Variants in C9orf43 observed in about 807,000 individuals in gnomAD.
The protein encoded by C9orf43 is chromosome 9 open reading frame 43, also known as uncharacterized protein C9orf43.
Under a neutral mutation model 59.1 loss-of-function variants are expected in C9orf43, and 45 were observed. That is an observed-to-expected ratio of 0.76 (90% CI 0.60 to 0.98). The LOEUF is 0.98. Ranked by LOEUF, C9orf43 falls within the 50% of genes least tolerant of loss-of-function variation. The probability of loss-of-function intolerance (pLI) is 0.00; values close to 1 mark genes in which losing one functional copy is unlikely to be tolerated. For synonymous variants in C9orf43, 203 were observed against 196.8 expected (o/e 1.03, Z -0.26); for missense variants, 533 against 554.9 (o/e 0.96, Z 0.40).
intron 3 of C9orf43, 94 bp downstream of exon 3, chr9:113,413,988 AT>A: frequency 7.3e-7 from 1 of 1,371,608 alleles, no homozygotes; most frequent in Non-Finnish European, 9.9e-7. Flanking sequence ...AGAAAGCTAG[AT>A]TAAAAAGAAA....
intron 11 of C9orf43, among the ~76,000 whole-genome samples, 168 bp downstream of exon 11, chr9:113,425,898 C>A (rs1199742266): frequency 1.3e-5 from 2 of 152,136 alleles, no homozygotes; most frequent in Non-Finnish European, 2.9e-5. Context: ...ACCATCCTTC[C>A]CTCATAAATT....
In C9orf43 at chr9:113,419,256, G is replaced by A. The variant is rs538921508; in HGVS notation, c.345+91G>A. Reference sequence around the variant, plus strand: ...TGCCTTTATTTGAAATTATTCCTCAGGAGGACTAAAATCTGAATAGTAATG... The same window carrying A: ...TGCCTTTATTTGAAATTATTCCTCAAGAGGACTAAAATCTGAATAGTAATG... On this transcript the variant is annotated intron_variant, in intron 4 of 13. Coordinates refer to ENST00000374165, the MANE Select transcript of C9orf43 (RefSeq NM_001278629.2). 4 of 1,000,228 alleles carry A rather than the reference G, an allele frequency of 4.0e-6. No individual in the cohort carries two copies. The Admixed American group carries it at 8.8e-5, about 22-fold the overall frequency. 62.0% of individuals were successfully genotyped at this position (1,000,228 alleles called of 1,614,324 possible).
At position 113,424,307 on chromosome 9, in the gene C9orf43, C is replaced by T. The variant is rs1313961334; in HGVS notation, c.798C>T (p.Leu266=). ...AGATGTTTCTATCTATACACCGCCT[C>T]ACCCTGGAAGTAAGAGCTAGGAAAC... ...SSKMFLSIHR[L]TLERPALRYP... The change falls in exon 8 of 14, where the codon CTC becomes CTT. Residue 266 remains leucine, a synonymous_variant. Transcript: ENST00000374165. The T allele has an allele frequency of 1.9e-6, 3 of 1,608,878 alleles. No individual in the cohort carries two copies. The highest frequency in any genetic ancestry group is 2.5e-6 in the Non-Finnish European group (3 of 1,178,340).
intron 11 of C9orf43, among the ~76,000 whole-genome samples, chr9:113,427,252 C>T (rs1423940024): frequency 6.6e-6 from 1 of 150,972 alleles, no homozygotes; most frequent in South Asian, 2.1e-4. Context: ...TCACCACAAC[C>T]TCTGCCTTCT....
rs541457245 is a variant in C9orf43 at position 113,416,157 on chromosome 9, G to A, written c.287+2263G>A. On this transcript the variant is annotated intron_variant, in intron 3 of 13. Transcript: ENST00000374165. Reference sequence around the variant, plus strand: ...AGACCAGTCCTTCATGACATGGTGGGTTTTTGCAGTGGCTTCTGAACTGGT... The same window carrying A: ...AGACCAGTCCTTCATGACATGGTGGATTTTTGCAGTGGCTTCTGAACTGGT... Among the ~76,000 whole-genome samples, 7 of 152,330 alleles carry A rather than the reference G, an allele frequency of 4.6e-5. No homozygotes were observed. The East Asian group carries it at 1.3e-3, about 29-fold the overall frequency.
chr9:113,422,611 C>T (rs374268317), intron 6 of C9orf43, 26 bp downstream of exon 6: 3 of 1,613,044 alleles, frequency 1.9e-6, no homozygotes, highest in African/African-American at 1.3e-5. Context: ...TTGTGCAAAC[C>T]TTTATAATAT....
chr9:113,422,428 C>A, intron 5 of C9orf43, 121 bp from the exon 6 acceptor site: 1 of 1,359,804 alleles, frequency 7.4e-7, no homozygotes, highest in Non-Finnish European at 1.0e-6. Context: ...TCTTTGTGGT[C>A]ATCATTCACA....
Position 113,429,444 on chromosome 9 carries a change from G to A in C9orf43, c.*58G>A. ...CCTGGGGCAGCCGTGTTCCAAAGCG[G>A]GATGGCTGGTATCCTGAGGGCAGCA... is the stretch of plus-strand genomic sequence containing the variant. On this transcript the variant is annotated 3_prime_UTR_variant, in exon 14 of 14. Coordinates refer to ENST00000374165, the MANE Select transcript of C9orf43 (RefSeq NM_001278629.2). The A allele has an allele frequency of 6.7e-7, 1 of 1,494,700 alleles. No individual in the cohort carries two copies. The highest frequency in any genetic ancestry group is 9.3e-7 in the Non-Finnish European group (1 of 1,080,460). The allele number at this position is 1,494,700 out of a possible 1,614,324, so 92.6% of individuals were successfully genotyped here.
chr9:113,419,453 A>G (rs181214013), intron 4 of C9orf43, among the ~76,000 whole-genome samples: 1 of 152,324 alleles, frequency 6.6e-6, no homozygotes, highest in East Asian at 1.9e-4. Context: ...GCTACTCAGT[A>G]AATACTGTCG....
intron 3 of C9orf43, 102 bp from the exon 4 acceptor site, chr9:113,419,006 A>G (rs1828475647): frequency 2.1e-6 from 2 of 948,338 alleles, no homozygotes; most frequent in Non-Finnish European, 3.2e-6. Context: ...ATTAAGCCCA[A>G]GGTTTTCTGT....
rs560574177 is a variant in C9orf43, at chr9:113,421,090, A to G, written c.346-13A>G. 6 of 1,604,578 alleles carry G rather than the reference A, an allele frequency of 3.7e-6. No homozygotes were observed. The East Asian group carries it at 6.7e-5, about 18-fold the overall frequency. Reference sequence around the variant, plus strand: ...ACCTCAAGCCATACATAGGCTTTATATCTTTCTCTTAGTTTCCAGTGTTGA... The same window carrying G: ...ACCTCAAGCCATACATAGGCTTTATGTCTTTCTCTTAGTTTCCAGTGTTGA... On this transcript the variant is annotated splice_polypyrimidine_tract_variant and intron_variant, in intron 4 of 13. Coordinates refer to ENST00000374165, the MANE Select transcript of C9orf43 (RefSeq NM_001278629.2).
chr9:113,421,165 T>C lies in C9orf43; in HGVS notation c.408T>C (p.Val136=). ...LPCPEDVRNM[V]VLWIPEETEI... ...GCCCTGAAGATGTTAGAAATATGGT[T>C]GTATTGTGGATCCCAGAAGAAACAG... Residue 136 remains valine, a synonymous_variant, in exon 5 of 14, where the codon GTT becomes GTC. Transcript: ENST00000374165. 6.2e-7 allele frequency: 1 copy of C among 1,613,616 alleles called. No homozygotes were observed. The highest frequency in any genetic ancestry group is 8.5e-7 in the Non-Finnish European group (1 of 1,179,676).
At chr9:113,418,321 A>T (rs1342645923) in intron 3 of C9orf43, among the ~76,000 whole-genome samples, 1 of 152,096 alleles carries the variant, frequency 6.6e-6, no homozygotes, top group Non-Finnish European at 1.5e-5. Context: ...ATTACACAAC[A>T]TTTGTCCTTT....
chr9:113,421,209 TA>T lies in C9orf43; in HGVS notation c.446+7del. On this transcript the variant is annotated splice_region_variant and intron_variant, in intron 5 of 13. Transcript: ENST00000374165. Reference sequence around the variant, plus strand: ...GAAACAGAGATACATGTGAGGTGAGTATCATATCTGGAACTCAGAGGACTTT... The same window carrying T: ...GAAACAGAGATACATGTGAGGTGAGTTCATATCTGGAACTCAGAGGACTTT... The T allele has an allele frequency of 1.3e-6, 2 of 1,574,586 alleles. No individual in the cohort carries two copies. The highest frequency in any genetic ancestry group is 1.7e-6 in the Non-Finnish European group (2 of 1,144,490).
chr9:113,410,901 T>A lies in C9orf43; in HGVS notation c.-150T>A, dbSNP rs17553698. ...CCGTCGTGATCAGATTCTCCCACTT[T>A]CTTTTTTCTTTCCTGGAATGGAGTG... On this transcript the variant is annotated 5_prime_UTR_variant, in exon 1 of 14. Coordinates refer to ENST00000374165, the MANE Select transcript of C9orf43 (RefSeq NM_001278629.2). 52,327 of 976,502 alleles carry A rather than the reference T, an allele frequency of 0.054. 1,504 individuals are homozygous for A. The highest frequency in any genetic ancestry group is 0.1 in the South Asian group (2,144 of 21,442). 60.5% of individuals were successfully genotyped at this position (976,502 alleles called of 1,614,324 possible).
At chr9:113,424,845 C>T (rs895758260) in intron 8 of C9orf43, among the ~76,000 whole-genome samples, 174 bp from the exon 9 acceptor site, 1 of 152,102 alleles carries the variant, frequency 6.6e-6, no homozygotes, top group African/African-American at 2.4e-5. Context: ...ATTTCTTCTG[C>T]ACTTTGTTCC....
In C9orf43 at chr9:113,411,054, C is replaced by T. The variant is rs1372073206; in HGVS notation, c.-50+53C>T. 4 of 985,230 alleles carry T rather than the reference C, an allele frequency of 4.1e-6. No homozygotes were observed. In the East Asian group the frequency reaches 3.4e-4, roughly 84 times the overall value. The allele number at this position is 985,230 out of a possible 1,614,324, so 61.0% of individuals were successfully genotyped here. A position where few individuals can be genotyped will look rare whatever the true frequency, so the allele number is the denominator to read the frequency against. ...TTATTGTTGTTGTTTGTGTTTAACGCGAACTATTTAGGCAGCCCAGGGATA... is the reference window on the plus strand; with the variant it reads ...TTATTGTTGTTGTTTGTGTTTAACGTGAACTATTTAGGCAGCCCAGGGATA... On this transcript the variant is annotated intron_variant, in intron 1 of 13. Coordinates refer to ENST00000374165, the MANE Select transcript of C9orf43 (RefSeq NM_001278629.2).
rs765306455 is a variant in C9orf43, at chr9:113,429,222, G to A, written c.1222G>A (p.Val408Met). Residue 408 changes from valine (V) to methionine (M), a missense_variant, in exon 14 of 14, where the codon GTG (valine) becomes ATG (methionine). By Grantham distance (21) the Val-to-Met change is conservative. Coordinates refer to ENST00000374165, the MANE Select transcript of C9orf43 (RefSeq NM_001278629.2). ...CACTAACAAGGACATTAGTGCTCCA[G>A]TGGACGCTGTGCCAGAAGCCCAGGC... is the stretch of plus-strand genomic sequence containing the variant. ...EPTNKDISAP[V>M]DAVPEAQAAR... 3 of 1,614,180 alleles carry A rather than the reference G, an allele frequency of 1.9e-6. No individual in the cohort carries two copies. Among genetic ancestry groups the A allele is most frequent in the Admixed American group, 3.3e-5 (2 of 60,036 alleles).
At chr9:113,422,431 C>T in intron 5 of C9orf43, 118 bp from the exon 6 acceptor site, 3 of 1,384,554 alleles carry the variant, frequency 2.2e-6, no homozygotes, top group Non-Finnish European at 2.9e-6. Context: ...TTGTGGTCAT[C>T]ATTCACAAAT....
Sources: allele counts gnomAD v4.1 joint callset (sites outside exome capture counted in the v4.1 genomes callset), GRCh38; gene constraint gnomAD v4.1.1; transcripts MANE v1.5; gene names NCBI Gene and HGNC (gene_info 2026-07-23, HGNC 2026-07-21).